Variants in RBPMS observed in about 807,000 individuals in gnomAD.
RBPMS encodes RNA-binding protein with multiple splicing.
A neutral mutation model predicts 26.8 loss-of-function variants in RBPMS; 7 were observed. The observed-to-expected ratio is 0.26, with a 90% CI of 0.15 to 0.49. RBPMS has a LOEUF of 0.49. Ranked by LOEUF, RBPMS falls within the 20% of genes least tolerant of loss-of-function variation. The probability of loss-of-function intolerance (pLI) is 0.98; values close to 1 mark genes in which losing one functional copy is unlikely to be tolerated. For missense variants in RBPMS, 186 were observed against 250.0 expected (o/e 0.74, Z 1.73); for synonymous variants, 96 against 93.3 (o/e 1.03, Z -0.17).
chr8:30,419,504 G>A (rs1810506941), intron 1 of RBPMS, among the ~76,000 whole-genome samples: 1 of 146,616 alleles, frequency 6.8e-6, no homozygotes, highest in African/African-American at 2.6e-5. Context: ...AAGTAGTACA[G>A]GTAGAGAGCA....
At chr8:30,490,423 C>T (rs988094518) in intron 4 of RBPMS, among the ~76,000 whole-genome samples, 1 of 152,062 alleles carries the variant, frequency 6.6e-6, no homozygotes, top group Non-Finnish European at 1.5e-5. Flanking sequence ...CTTTAGCAGC[C>T]AGTGAGATTC....
chr8:30,544,772 C>T (rs1825730381), intron 6 of RBPMS, 148 bp downstream of exon 6: 10 of 1,594,484 alleles, frequency 6.3e-6, no homozygotes, highest in Non-Finnish European at 7.6e-6. Flanking sequence ...ATCAAGCTGA[C>T]ACTCCTTCAG....
intron 1 of RBPMS, among the ~76,000 whole-genome samples, chr8:30,459,549 C>T (rs557015895): frequency 1.3e-5 from 2 of 152,122 alleles, no homozygotes; most frequent in African/African-American, 2.4e-5. Context: ...ACCTGGTGTT[C>T]GGTGACCTCT....
chr8:30,411,799 A>G (rs1016244740), intron 1 of RBPMS, among the ~76,000 whole-genome samples: 3 of 152,108 alleles, frequency 2.0e-5, no homozygotes, highest in Admixed American at 1.3e-4. Flanking sequence ...CCTTGCCCAC[A>G]TGGTGAAACC....
chr8:30,512,031 AT>A (rs1821773478), intron 5 of RBPMS, among the ~76,000 whole-genome samples: 3 of 152,102 alleles, frequency 2.0e-5, no homozygotes, highest in Admixed American at 2.0e-4. Context: ...GGGAGATAAA[AT>A]TTTCAGTCCA....
chr8:30,564,217 C>T (rs1827725273), intron 7 of RBPMS: 1 of 152,200 alleles, frequency 6.6e-6, no homozygotes, highest in East Asian at 1.9e-4. Flanking sequence ...GTTTCTTTTT[C>T]AGAACACATT....
chr8:30,564,210 T>C (rs186906578), intron 7 of RBPMS: 2 of 152,336 alleles, frequency 1.3e-5, no homozygotes, highest in Non-Finnish European at 2.9e-5. Context: ...ATACGGGGTT[T>C]CTTTTTCAGA....
intron 5 of RBPMS, among the ~76,000 whole-genome samples, chr8:30,530,682 G>A (rs1301319581): frequency 6.6e-6 from 1 of 152,002 alleles, no homozygotes; most frequent in Non-Finnish European, 1.5e-5. Context: ...GGTTGGTCTC[G>A]AACTCCCGAC....
chr8:30,545,766 T>TA (rs1310577943), intron 6 of RBPMS, among the ~76,000 whole-genome samples: 4 of 152,136 alleles, frequency 2.6e-5, no homozygotes, highest in African/African-American at 9.7e-5. Flanking sequence ...AATTCTGAGT[T>TA]ACCAACACGT....
chr8:30,544,718 C>T (rs1198854662), intron 6 of RBPMS, 94 bp downstream of exon 6: 1 of 1,602,964 alleles, frequency 6.2e-7, no homozygotes, highest in Admixed American at 1.7e-5. Flanking sequence ...TAACACCTAT[C>T]CAGCTAACAG....
At chr8:30,541,401 G>A (rs1825379257) in intron 5 of RBPMS, among the ~76,000 whole-genome samples, 1 of 152,120 alleles carries the variant, frequency 6.6e-6, no homozygotes, top group Admixed American at 6.5e-5. Context: ...CTCATGCTAA[G>A]AAAAAAAGCC....
In RBPMS at chr8:30,411,681, A is replaced by AAAAAAG. The variant is rs1554507355; in HGVS notation, c.66+26526_66+26527insAAGAAA. On this transcript the variant is annotated intron_variant, in intron 1 of 8. Coordinates refer to ENST00000397323, the MANE Select transcript of RBPMS (RefSeq NM_001008710.3). ...CTGTCTCAGAAAAAAAAAAAAAAAA[A>AAAAAAG]AAAGAAAAAGGAAATGTTTAGGCCG... is the stretch of plus-strand genomic sequence containing the variant. Among the ~76,000 whole-genome samples, 184 of 127,948 alleles carry AAAAAAG rather than the reference A, an allele frequency of 1.4e-3. 7 individuals carry two copies. Among genetic ancestry groups the AAAAAAG allele is most frequent in the African/African-American group, 5.0e-3 (165 of 32,812 alleles). 83.9% of individuals were successfully genotyped at this position (127,948 alleles called of 152,430 possible).
intron 6 of RBPMS, among the ~76,000 whole-genome samples, chr8:30,549,750 C>CCTTTTCTTTTCTTTT (rs796809216): frequency 1.3e-5 from 1 of 76,210 alleles, no homozygotes; most frequent in South Asian, 3.6e-4. Flanking sequence ...TTCTTTCTTT[C>CCTTTTCTTTTCTTTT]CTTTTCTTTT....
Position 30,461,848 on chromosome 8 carries a change from G to T in RBPMS, c.67-12931G>T, listed in dbSNP as rs76192924. Among the ~76,000 whole-genome samples the T allele has an allele frequency of 2.0e-5, 3 of 152,152 alleles. No individual in the cohort carries two copies. In the South Asian group the frequency reaches 6.2e-4, roughly 32 times the overall value. Reference sequence around the variant, plus strand: ...TTCTGTGAAGTTTTATTATATGTGTGTGTTCATGGATCCACCACCACAGTC... The same window carrying T: ...TTCTGTGAAGTTTTATTATATGTGTTTGTTCATGGATCCACCACCACAGTC... On this transcript the variant is annotated intron_variant, in intron 1 of 8. Coordinates refer to ENST00000397323, the MANE Select transcript of RBPMS (RefSeq NM_001008710.3).
chr8:30,561,698 A>G (rs1029513958), intron 7 of RBPMS, among the ~76,000 whole-genome samples: 1 of 152,190 alleles, frequency 6.6e-6, no homozygotes, highest in Non-Finnish European at 1.5e-5. Flanking sequence ...CACTTCTGTC[A>G]GTCAGATGCT....
At position 30,461,994 on chromosome 8, in the gene RBPMS, G is replaced by A. The variant is rs73568106; in HGVS notation, c.67-12785G>A. ...TTTTTACTTAGTGTAATTCCCTTGA[G>A]AGTCGTTCAAGTTGTTGCTTGTATT... is the stretch of plus-strand genomic sequence containing the variant. On this transcript the variant is annotated intron_variant, in intron 1 of 8. Transcript: ENST00000397323. Among the ~76,000 whole-genome samples, 1,106 of 152,272 alleles carry A rather than the reference G, an allele frequency of 7.3e-3. 9 individuals carry two copies. Among genetic ancestry groups the A allele is most frequent in the African/African-American group, 0.024 (1,016 of 41,556 alleles).
intron 8 of RBPMS, among the ~76,000 whole-genome samples, chr8:30,567,675 AT>A (rs1268841540): frequency 1.3e-5 from 2 of 152,238 alleles, no homozygotes; most frequent in African/African-American, 4.8e-5. Context: ...AGTATCAACA[AT>A]GCAAGGAGCA....
chr8:30,416,409 G>A (rs1317164571), intron 1 of RBPMS, among the ~76,000 whole-genome samples: 1 of 151,944 alleles, frequency 6.6e-6, no homozygotes, highest in Non-Finnish European at 1.5e-5. Flanking sequence ...TCTGCCCACT[G>A]CAACCTCTGC....
At chr8:30,420,440 C>T (rs1050656407) in intron 1 of RBPMS, among the ~76,000 whole-genome samples, 5 of 152,042 alleles carry the variant, frequency 3.3e-5, no homozygotes, top group Non-Finnish European at 5.9e-5. Flanking sequence ...GAAAAGAACT[C>T]GGGGGGACTT....
Sources: gnomAD v4.1 joint callset for allele counts (sites outside exome capture counted in the v4.1 genomes callset) on GRCh38, gnomAD v4.1.1 for gene constraint, MANE v1.5 for transcripts, NCBI Gene and HGNC (gene_info 2026-07-23, HGNC 2026-07-21) for gene names.